MTHFD1: variants seen among roughly 807,000 people sequenced by gnomAD.
The protein encoded by MTHFD1 is methylenetetrahydrofolate dehydrogenase, cyclohydrolase and formyltetrahydrofolate synthetase 1, also known as C-1-tetrahydrofolate synthase, cytoplasmic.
A neutral mutation model predicts 110.3 loss-of-function variants in MTHFD1; 44 were observed. That is an observed-to-expected ratio of 0.40 (90% CI 0.31 to 0.51). The LOEUF is 0.51. Among genes scored for constraint, MTHFD1 ranks in the 20% least tolerant of loss-of-function variants. The pLI is 0.60. For missense variants in MTHFD1, 909 were observed against 1,173.1 expected (o/e 0.77, Z 3.29); for synonymous variants, 402 against 428.8 (o/e 0.94, Z 0.77).
At chr14:64,424,407 A>G (rs1366424459) in intron 8 of MTHFD1, among the ~76,000 whole-genome samples, 3 of 152,240 alleles carry the variant, frequency 2.0e-5, no homozygotes. Flanking sequence ...TGTAGAAACG[A>G]TATCTGGCAG....
At chr14:64,430,351 T>C in intron 13 of MTHFD1, 121 bp downstream of exon 13, 1 of 933,238 alleles carries the variant, frequency 1.1e-6, no homozygotes, top group Non-Finnish European at 1.7e-6. Context: ...AGAGCTGGAG[T>C]GCAATGGCGC....
At chr14:64,395,142 C>G (rs1257000033) in intron 1 of MTHFD1, among the ~76,000 whole-genome samples, 1 of 152,218 alleles carries the variant, frequency 6.6e-6, no homozygotes, top group African/African-American at 2.4e-5. Flanking sequence ...TCAGAGCCAA[C>G]CTTGTCTTGT....
intron 23 of MTHFD1, among the ~76,000 whole-genome samples, chr14:64,448,755 G>A (rs2078320468): frequency 6.6e-6 from 1 of 152,050 alleles, no homozygotes; most frequent in African/African-American, 2.4e-5. Context: ...TGGTGGTCAG[G>A]GTTTTGTTAT....
At chr14:64,422,615 A>G (rs1383788327) in intron 8 of MTHFD1, among the ~76,000 whole-genome samples, 1 of 152,114 alleles carries the variant, frequency 6.6e-6, no homozygotes, top group Admixed American at 6.5e-5. Context: ...CCCCACCCTA[A>G]TGCAATCCAG....
rs913370457 is a variant in MTHFD1, at chr14:64,388,698, G to C, written c.41+230G>C. The C allele has an allele frequency of 6.6e-6, 4 of 604,812 alleles. No homozygotes were observed. The African/African-American group carries it at 7.4e-5, about 11-fold the overall frequency. 37.5% of individuals were successfully genotyped at this position (604,812 alleles called of 1,614,324 possible). On this transcript the variant is annotated intron_variant, in intron 1 of 27. Coordinates refer to ENST00000652337, the MANE Select transcript of MTHFD1 (RefSeq NM_005956.4). ...CTCCTGTGCTTCGGGGAAAAGTCCT[G>C]TGCCGACTATGCTCCCAAACGCGCA... is the stretch of plus-strand genomic sequence containing the variant.
chr14:64,448,596 A>G (rs2078316612), intron 23 of MTHFD1: 2 of 450,852 alleles, frequency 4.4e-6, no homozygotes, highest in Admixed American at 6.8e-5. Flanking sequence ...TTTCATCTTT[A>G]GAGGCCTTTT....
intron 1 of MTHFD1, among the ~76,000 whole-genome samples, chr14:64,397,778 A>G (rs2077869494): frequency 6.6e-6 from 1 of 152,080 alleles, no homozygotes; most frequent in Admixed American, 6.6e-5. Flanking sequence ...TCCTTTGCCT[A>G]CCATATAGCT....
rs147226960 is a variant in MTHFD1, at chr14:64,418,831, C to T, written c.615+807C>T. On this transcript the variant is annotated intron_variant, in intron 7 of 27. Transcript: ENST00000652337. The stretch of plus-strand genomic sequence containing the variant: ...TTGGCCTCCCAAAGTACTGGGATTA[C>T]AGGCATGAGCCACCATGCCCGACCT... Among the ~76,000 whole-genome samples the T allele has an allele frequency of 4.3e-4, 66 of 152,350 alleles. 1 individual carries two copies. Among genetic ancestry groups the T allele is most frequent in the African/African-American group, 1.5e-3 (62 of 41,576 alleles).
chr14:64,423,615 C>T (rs1324768375), intron 8 of MTHFD1, among the ~76,000 whole-genome samples: 1 of 149,908 alleles, frequency 6.7e-6, no homozygotes. Context: ...AGGCTGGTCT[C>T]GGACTCCTGA....
chr14:64,439,256 G>A (rs2078229878), intron 17 of MTHFD1, 84 bp downstream of exon 17: 8 of 992,492 alleles, frequency 8.1e-6, no homozygotes, highest in East Asian at 2.5e-5. Context: ...TCTCTCATAC[G>A]ACTGATACTG....
At chr14:64,405,591 TC>T (rs2077930131) in intron 2 of MTHFD1, among the ~76,000 whole-genome samples, 1 of 152,296 alleles carries the variant, frequency 6.6e-6, no homozygotes, top group East Asian at 1.9e-4. Context: ...TCTTCCTCAC[TC>T]CCTGCATCCA....
At chr14:64,432,454 C>G (rs1469457385) in intron 15 of MTHFD1, among the ~76,000 whole-genome samples, 2 of 152,108 alleles carry the variant, frequency 1.3e-5, no homozygotes, top group African/African-American at 4.8e-5. Flanking sequence ...TTAATAATTT[C>G]CAAAAACTGG....
chr14:64,441,964 C>T (rs1008998898), intron 19 of MTHFD1, 90 bp from the exon 20 acceptor site: 33 of 869,316 alleles, frequency 3.8e-5, no homozygotes, highest in Non-Finnish European at 5.0e-5. Flanking sequence ...TTCTTCCTTC[C>T]GATTCCAAAT....
At chr14:64,396,036 T>A (rs2077845899) in intron 1 of MTHFD1, among the ~76,000 whole-genome samples, 1 of 152,188 alleles carries the variant, frequency 6.6e-6, no homozygotes, top group South Asian at 2.1e-4. Context: ...CATTATAAAC[T>A]TTCAATGAAG....
chr14:64,434,949 CTTTTTTTT>C (rs374039248), intron 15 of MTHFD1, among the ~76,000 whole-genome samples: 912 of 80,828 alleles, frequency 0.011, 14 homozygotes, highest in African/African-American at 0.037. Flanking sequence ...TCCCTCTTTT[CTTTTTTTT>C]TTTTTTTTTT....
intron 2 of MTHFD1, among the ~76,000 whole-genome samples, chr14:64,402,874 T>C (rs1178762132): frequency 6.6e-6 from 1 of 152,160 alleles, no homozygotes; most frequent in Non-Finnish European, 1.5e-5. Context: ...ACTGTACTTC[T>C]GTATATAGCA....
At chr14:64,406,044 A>AT (rs201951999) in intron 2 of MTHFD1, among the ~76,000 whole-genome samples, 24,826 of 144,756 alleles carry the variant, frequency 0.17, 2,305 homozygotes, top group African/African-American at 0.21. Context: ...TATTATTATT[A>AT]TTATTTTTTT....
At position 64,415,435 on chromosome 14, in the gene MTHFD1, G is replaced by A; in HGVS notation, c.318G>A (p.Glu106=). 6.2e-7 allele frequency: 1 copy of A among 1,613,960 alleles called. No homozygotes were observed. The highest frequency in any genetic ancestry group is 8.5e-7 in the Non-Finnish European group (1 of 1,179,836). The change falls in exon 5 of 28, where the codon GAG becomes GAA. Residue 106 remains glutamate, a synonymous_variant. Coordinates refer to ENST00000652337, the MANE Select transcript of MTHFD1 (RefSeq NM_005956.4). ...GFLVQLPLDS[E]NSINTEEVIN... ...TAGTGCAGCTACCTTTAGATTCAGAGAATTCCATTAACACTGAAGAAGTGA... is the reference window on the plus strand; with the variant it reads ...TAGTGCAGCTACCTTTAGATTCAGAAAATTCCATTAACACTGAAGAAGTGA...
chr14:64,400,261 G>T (rs1427404006), intron 1 of MTHFD1, among the ~76,000 whole-genome samples: 2 of 152,154 alleles, frequency 1.3e-5, no homozygotes, highest in Non-Finnish European at 2.9e-5. Context: ...GGTGGCGCAT[G>T]CCTGTAATCC....
Sources: gnomAD v4.1 joint callset for allele counts (sites outside exome capture counted in the v4.1 genomes callset) on GRCh38, gnomAD v4.1.1 for gene constraint, MANE v1.5 for transcripts, NCBI Gene and HGNC (gene_info 2026-07-23, HGNC 2026-07-21) for gene names.